MTMR7: variants seen among roughly 807,000 people sequenced by gnomAD.
MTMR7 encodes the protein phosphatidylinositol-3-phosphate phosphatase MTMR7.
A neutral mutation model predicts 81.2 loss-of-function variants in MTMR7; 76 were observed. The observed-to-expected ratio is 0.94, with a 90% CI of 0.78 to 1.13. The LOEUF is 1.13. Among genes scored for constraint, MTMR7 ranks in the 50% most tolerant of loss-of-function variants. The pLI is 0.00. For missense variants in MTMR7, 1,044 were observed against 820.0 expected (o/e 1.27, Z -3.34); for synonymous variants, 372 against 289.8 (o/e 1.28, Z -2.88).
chr8:17,330,791 A>C (rs1563338659), intron 7 of MTMR7, among the ~76,000 whole-genome samples: 1 of 152,190 alleles, frequency 6.6e-6, no homozygotes, highest in Non-Finnish European at 1.5e-5. Context: ...TGATCTCCAT[A>C]CAAGAATGGT....
At chr8:17,374,005 A>G (rs1028920540) in intron 1 of MTMR7, among the ~76,000 whole-genome samples, 7 of 152,224 alleles carry the variant, frequency 4.6e-5, no homozygotes, top group African/African-American at 1.7e-4. Flanking sequence ...TGGTAATTCT[A>G]GTAAGACACA....
chr8:17,406,693 C>T (rs943060834), intron 1 of MTMR7, among the ~76,000 whole-genome samples: 2 of 152,060 alleles, frequency 1.3e-5, no homozygotes, highest in African/African-American at 4.8e-5. Context: ...AACTTATCAC[C>T]GAAGTTTATA....
intron 1 of MTMR7, among the ~76,000 whole-genome samples, chr8:17,398,707 A>T (rs1486619484): frequency 2.0e-5 from 3 of 152,224 alleles, no homozygotes; most frequent in Non-Finnish European, 4.4e-5. Context: ...TTAAGTAGAA[A>T]GATTAAATAA....
At chr8:17,409,506 T>A (rs778479297) in intron 1 of MTMR7, among the ~76,000 whole-genome samples, 1 of 152,148 alleles carries the variant, frequency 6.6e-6, no homozygotes, top group Non-Finnish European at 1.5e-5. Context: ...TAATTATGCA[T>A]TCTTCACTAA....
At chr8:17,325,692 C>G (rs751950691) in intron 7 of MTMR7, among the ~76,000 whole-genome samples, 3 of 152,188 alleles carry the variant, frequency 2.0e-5, no homozygotes, top group Admixed American at 2.0e-4. Context: ...ACCCAAAGGC[C>G]TATGTCTTGT....
intron 1 of MTMR7, among the ~76,000 whole-genome samples, chr8:17,412,462 T>C (rs1821761238): frequency 6.6e-6 from 1 of 152,234 alleles, no homozygotes; most frequent in African/African-American, 2.4e-5. Context: ...AGGGTTTTTA[T>C]CATGCAGTAA....
chr8:17,377,836 C>G (rs1238061710), intron 1 of MTMR7, among the ~76,000 whole-genome samples: 1 of 152,012 alleles, frequency 6.6e-6, no homozygotes, highest in African/African-American at 2.4e-5. Context: ...GGATATTTTA[C>G]TTAAACTTTT....
At position 17,298,803 on chromosome 8, in the gene MTMR7, G is replaced by A. The variant is rs1377148276; in HGVS notation, c.*1059C>T. On this transcript the variant is annotated 3_prime_UTR_variant, in exon 14 of 14. Coordinates refer to ENST00000180173, the MANE Select transcript of MTMR7 (RefSeq NM_004686.5). Reference sequence around the variant, plus strand: ...ATAGGGGAGGGACTCTCCCTTAAATGTGCAGTGTAACAAAACAAAAATTCT... The same window carrying A: ...ATAGGGGAGGGACTCTCCCTTAAATATGCAGTGTAACAAAACAAAAATTCT... 1.3e-5 allele frequency: 2 copies of A among 152,528 alleles called. No homozygotes were observed. The highest frequency in any genetic ancestry group is 2.9e-5 in the Non-Finnish European group (2 of 68,008). 9.4% of individuals were successfully genotyped at this position (152,528 alleles called of 1,614,324 possible).
intron 4 of MTMR7, among the ~76,000 whole-genome samples, chr8:17,360,241 T>C (rs371871981): frequency 6.6e-6 from 1 of 152,158 alleles, no homozygotes; most frequent in Admixed American, 6.5e-5. Flanking sequence ...CATAAAAAAT[T>C]AATATACACA....
chr8:17,384,411 T>C lies in MTMR7; in HGVS notation c.25-11171A>G, dbSNP rs183071894. On this transcript the variant is annotated intron_variant, in intron 1 of 13. Coordinates refer to ENST00000180173, the MANE Select transcript of MTMR7 (RefSeq NM_004686.5). ...GGATGACAGAGTGAGACCCTAACTC[T>C]AAAAAATAAATAAATAAATAATTAT... Among the ~76,000 whole-genome samples, 67 of 152,212 alleles carry C rather than the reference T, an allele frequency of 4.4e-4. 1 individual carries two copies. In the South Asian group the frequency reaches 7.3e-3, roughly 17 times the overall value.
intron 1 of MTMR7, among the ~76,000 whole-genome samples, chr8:17,388,008 C>T (rs560897207): frequency 3.3e-5 from 5 of 152,188 alleles, no homozygotes; most frequent in African/African-American, 4.8e-5. Context: ...AGTGACACAG[C>T]CAAGCTACGT....
At chr8:17,312,574 C>CAAAAAAA (rs10617081) in intron 8 of MTMR7, among the ~76,000 whole-genome samples, 5 of 87,250 alleles carry the variant, frequency 5.7e-5, no homozygotes, top group African/African-American at 1.9e-4. Context: ...GACTCCCTCT[C>CAAAAAAA]AAAAAAAAAA....
chr8:17,348,801 T>C, intron 5 of MTMR7, 152 bp downstream of exon 5: 2 of 867,090 alleles, frequency 2.3e-6, no homozygotes, highest in Non-Finnish European at 3.6e-6. Flanking sequence ...CTTAGCATAG[T>C]TGTATCATGT....
chr8:17,403,553 A>C (rs1821489095), intron 1 of MTMR7, among the ~76,000 whole-genome samples: 1 of 152,162 alleles, frequency 6.6e-6, no homozygotes, highest in African/African-American at 2.4e-5. Context: ...ACATTTGGCT[A>C]TTCTGGGTCT....
Position 17,305,837 on chromosome 8 carries a change from C to G in MTMR7, c.1272G>C (p.Leu424Phe). 2 of 1,613,606 alleles carry G rather than the reference C, an allele frequency of 1.2e-6. No homozygotes were observed. Among genetic ancestry groups the G allele is most frequent in the East Asian group, 2.2e-5 (1 of 44,838 alleles). ...AATAAATGTGATGTTGAATGTGAAT[C>G]AAAAACCTCTCATTGAACTCAAAGG... ...PCAFEFNERF[L>F]IHIQHHIYSC... Residue 424 changes from leucine to phenylalanine, a missense_variant, in exon 11 of 14, where the codon TTG (leucine) becomes TTC (phenylalanine). Transcript: ENST00000180173.
At chr8:17,360,065 G>C (rs1032074469) in intron 4 of MTMR7, among the ~76,000 whole-genome samples, 5 of 152,178 alleles carry the variant, frequency 3.3e-5, no homozygotes. Flanking sequence ...AGAGCAGGTA[G>C]ATATTATTTG....
rs548405154 is a variant in MTMR7 at position 17,393,062 on chromosome 8, T to C, written c.25-19822A>G. 4.6e-5 allele frequency among the ~76,000 whole-genome samples: 7 copies of C among 152,318 alleles called. No individual in the cohort carries two copies. The East Asian group carries it at 9.7e-4, about 21-fold the overall frequency. The stretch of plus-strand genomic sequence containing the variant: ...CTATAATAATCAAGATTGTGTGGTA[T>C]TGGCTAAGGATAGACAAAGATATTA... On this transcript the variant is annotated intron_variant, in intron 1 of 13. Transcript: ENST00000180173.
At chr8:17,341,269 C>A in intron 6 of MTMR7, 94 bp downstream of exon 6, 2 of 1,511,792 alleles carry the variant, frequency 1.3e-6, no homozygotes, top group South Asian at 1.3e-5. Context: ...GCAGATGAAG[C>A]AACCTGCACA....
At chr8:17,382,702 T>G (rs556836662) in intron 1 of MTMR7, among the ~76,000 whole-genome samples, 6 of 152,284 alleles carry the variant, frequency 3.9e-5, no homozygotes, top group African/African-American at 9.6e-5. Flanking sequence ...AAGGAGACCT[T>G]GTGCAGAAAC....
Sources: gnomAD v4.1 joint callset for allele counts (sites outside exome capture counted in the v4.1 genomes callset) on GRCh38, gnomAD v4.1.1 for gene constraint, MANE v1.5 for transcripts, NCBI Gene and HGNC (gene_info 2026-07-23, HGNC 2026-07-21) for gene names.